The following GBF1 variants were observed in gnomAD, a reference collection of about 807,000 sequenced individuals.
GBF1 encodes the protein golgi brefeldin A resistant guanine nucleotide exchange factor 1.
A neutral mutation model predicts 210.5 loss-of-function variants in GBF1; 114 were observed. That is an observed-to-expected ratio of 0.54 (90% CI 0.47 to 0.63). The LOEUF is 0.63. GBF1 is among the 30% of genes least tolerant of loss of function. The pLI is 0.00. For missense variants in GBF1, 1,851 were observed against 2,357.7 expected (o/e 0.79, Z 4.45); for synonymous variants, 850 against 889.2 (o/e 0.96, Z 0.78).
chr10:102,355,200 G>C (rs1259858760), intron 8 of GBF1, among the ~76,000 whole-genome samples: 1 of 152,180 alleles, frequency 6.6e-6, no homozygotes, highest in East Asian at 1.9e-4. Context: ...GCATGCTGAA[G>C]GTGTGGTTGT....
chr10:102,307,793 CAAAA>C (rs199578820), intron 3 of GBF1, among the ~76,000 whole-genome samples: 1 of 149,442 alleles, frequency 6.7e-6, no homozygotes, highest in African/African-American at 2.5e-5. Context: ...GACGCCGTCT[CAAAA>C]AAAACAAAAA....
chr10:102,351,992 C>T, intron 6 of GBF1, 41 bp downstream of exon 6: 1 of 1,090,662 alleles, frequency 9.2e-7, no homozygotes, highest in Non-Finnish European at 1.4e-6. Flanking sequence ...TTCCTGGGGC[C>T]AGTGTCTGAG....
chr10:102,316,285 C>T (rs1279019420), intron 3 of GBF1, among the ~76,000 whole-genome samples: 1 of 152,048 alleles, frequency 6.6e-6, no homozygotes, highest in Non-Finnish European at 1.5e-5. Context: ...TGGGATTTCA[C>T]CGTCTTGGCC....
chr10:102,271,198 C>T (rs2074382307), intron 3 of GBF1, among the ~76,000 whole-genome samples: 1 of 151,964 alleles, frequency 6.6e-6, no homozygotes, highest in African/African-American at 2.4e-5. Context: ...CCACTGCGCC[C>T]GGCTAATTTT....
At chr10:102,281,259 T>G (rs1364270287) in intron 3 of GBF1, among the ~76,000 whole-genome samples, 12 of 152,158 alleles carry the variant, frequency 7.9e-5, no homozygotes, top group Admixed American at 7.9e-4. Context: ...AAATCAACTC[T>G]ATTGCAAGTC....
intron 3 of GBF1, among the ~76,000 whole-genome samples, chr10:102,339,446 C>G (rs2058018579): frequency 6.6e-6 from 1 of 151,832 alleles, no homozygotes; most frequent in Non-Finnish European, 1.5e-5. Flanking sequence ...GCGGACAGAT[C>G]ACAGGGTCAA....
rs574338221 is a variant in GBF1, at chr10:102,344,120, C to G, written c.233C>G (p.Thr78Ser). The G allele has an allele frequency of 1.9e-6, 3 of 1,611,836 alleles. No homozygotes were observed. The highest frequency in any genetic ancestry group is 1.7e-5 in the Admixed American group (1 of 60,016). ...FLEVIRSEDT[T>S]GPITGLALTS... The stretch of plus-strand genomic sequence containing the variant: ...GAAGTGATTCGCTCTGAAGATACCA[C>G]TGGCCCTATCACTGGACTGGCACTC... The change falls in exon 4 of 40, where the codon ACT becomes AGT. Residue 78 changes from threonine to serine, a missense_variant. Physicochemically the swap from Thr to Ser is moderately conservative, Grantham distance 58. Transcript: ENST00000369983.
At chr10:102,260,147 T>C in intron 3 of GBF1, 31 bp downstream of exon 3, 1 of 1,117,788 alleles carries the variant, frequency 8.9e-7, no homozygotes, top group Non-Finnish European at 1.4e-6. Context: ...GGATTACTAA[T>C]CTTGGTAAAA....
rs201577906 is a variant in GBF1 at position 102,351,926 on chromosome 10, G to T, written c.498G>T (p.Arg166=). 25 of 1,605,964 alleles carry T rather than the reference G, an allele frequency of 1.6e-5. No homozygotes were observed. Among genetic ancestry groups the T allele is most frequent in the Non-Finnish European group, 1.9e-5 (22 of 1,172,618 alleles). The part of the protein sequence containing the change: ...SVCEIMQSCF[R]ICFEMRLSEL... ...GTGAGATTATGCAGTCTTGCTTCCG[G>T]ATCTGCTTTGAAATGAGGCTCAGTG... Residue 166 remains arginine, a synonymous_variant, in exon 6 of 40, where the codon CGG becomes CGT. Transcript: ENST00000369983.
chr10:102,334,251 G>T (rs1418583597), intron 3 of GBF1, among the ~76,000 whole-genome samples: 1 of 152,178 alleles, frequency 6.6e-6, no homozygotes, highest in Admixed American at 6.6e-5. Context: ...CCTTGTCAGC[G>T]TAATCCAATT....
chr10:102,305,834 G>A (rs1455294608), intron 3 of GBF1, among the ~76,000 whole-genome samples: 1 of 152,172 alleles, frequency 6.6e-6, no homozygotes, highest in East Asian at 1.9e-4. Flanking sequence ...GACACTTGTG[G>A]GTGCTTTGTG....
intron 20 of GBF1, 74 bp from the exon 21 acceptor site, chr10:102,367,403 CT>C: frequency 1.7e-6 from 2 of 1,186,878 alleles, no homozygotes; most frequent in Non-Finnish European, 1.3e-6. Context: ...GTCCTATTTA[CT>C]GAAAACCCAG....
intron 3 of GBF1, among the ~76,000 whole-genome samples, chr10:102,339,529 T>C (rs2058026178): frequency 6.8e-6 from 1 of 146,004 alleles, no homozygotes; most frequent in African/African-American, 2.6e-5. Flanking sequence ...TAACTGGGCG[T>C]GGTGGCACGT....
At chr10:102,282,789 G>A (rs1001447278) in intron 3 of GBF1, among the ~76,000 whole-genome samples, 1 of 152,162 alleles carries the variant, frequency 6.6e-6, no homozygotes, top group Non-Finnish European at 1.5e-5. Context: ...TCTGGGAATA[G>A]GAACATGAGT....
In GBF1 at chr10:102,373,644, T is replaced by A. The variant is rs572614375; in HGVS notation, c.3661-1715T>A. 8.5e-5 allele frequency among the ~76,000 whole-genome samples: 13 copies of A among 152,340 alleles called. No individual in the cohort carries two copies. The East Asian group carries it at 2.5e-3, about 29-fold the overall frequency. ...AAAAAGTAGTGACAATACCAAATGC[T>A]GAAAGGACGTGGAGAAACTGGGTCA... On this transcript the variant is annotated intron_variant, in intron 29 of 39. Coordinates refer to ENST00000369983, the MANE Select transcript of GBF1 (RefSeq NM_001377137.1).
intron 1 of GBF1, among the ~76,000 whole-genome samples, chr10:102,248,616 TA>T (rs1322565507): frequency 6.6e-6 from 1 of 151,802 alleles, no homozygotes; most frequent in East Asian, 1.9e-4. Flanking sequence ...CCCATGCCTT[TA>T]TTTTTTTTTT....
intron 15 of GBF1, among the ~76,000 whole-genome samples, 193 bp downstream of exon 15, chr10:102,362,857 T>A (rs546023325): frequency 2.0e-5 from 3 of 152,146 alleles, no homozygotes; most frequent in Non-Finnish European, 4.4e-5. Context: ...TTTTTCCTCC[T>A]CCCCACTTTG....
At chr10:102,355,278 G>A (rs1034280039) in intron 8 of GBF1, among the ~76,000 whole-genome samples, 4 of 152,188 alleles carry the variant, frequency 2.6e-5, no homozygotes, top group South Asian at 4.1e-4. Context: ...CCATTGGCCC[G>A]TGTTCTCTTT....
At chr10:102,302,202 C>G (rs181854774) in intron 3 of GBF1, among the ~76,000 whole-genome samples, 32 of 152,092 alleles carry the variant, frequency 2.1e-4, no homozygotes, top group Admixed American at 2.0e-3. Flanking sequence ...TGCAGTGAGC[C>G]GAGATGGCGG....
Sources: allele counts gnomAD v4.1 joint callset (sites outside exome capture counted in the v4.1 genomes callset), GRCh38; gene constraint gnomAD v4.1.1; transcripts MANE v1.5; gene names NCBI Gene and HGNC (gene_info 2026-07-23, HGNC 2026-07-21).